Variants in CCSER1 observed in about 807,000 individuals in gnomAD.
CCSER1 encodes the protein serine-rich coiled-coil domain-containing protein 1.
A neutral mutation model predicts 82.0 loss-of-function variants in CCSER1; 41 were observed. The observed-to-expected ratio is 0.50, with a 90% CI of 0.39 to 0.65. CCSER1 has a LOEUF of 0.65. Ranked by LOEUF, CCSER1 falls within the 30% of genes least tolerant of loss-of-function variation. The probability of loss-of-function intolerance (pLI) is 0.00; values close to 1 mark genes in which losing one functional copy is unlikely to be tolerated. For missense variants in CCSER1, 1,119 were observed against 1,064.2 expected (o/e 1.05, Z -0.72); for synonymous variants, 414 against 383.9 (o/e 1.08, Z -0.92).
At chr4:90,150,156 C>T (rs1042786149) in intron 1 of CCSER1, among the ~76,000 whole-genome samples, 76 of 152,298 alleles carry the variant, frequency 5.0e-4, no homozygotes, top group African/African-American at 1.8e-3. Flanking sequence ...TTTTTCCTAT[C>T]TGCTAATTCT....
chr4:90,606,160 A>G (rs1784675409), intron 5 of CCSER1, among the ~76,000 whole-genome samples: 1 of 151,914 alleles, frequency 6.6e-6, no homozygotes, highest in African/African-American at 2.4e-5. Context: ...TCTGTTATTA[A>G]TAAGTTATGG....
At chr4:90,491,241 A>G (rs7690529) in intron 5 of CCSER1, among the ~76,000 whole-genome samples, 8,708 of 152,102 alleles carry the variant, frequency 0.057, 583 homozygotes, top group African/African-American at 0.17. Flanking sequence ...CACATCCCTC[A>G]TAAGTTGGAT....
chr4:91,479,232 G>C (rs368474191), intron 10 of CCSER1, among the ~76,000 whole-genome samples: 2 of 150,468 alleles, frequency 1.3e-5, no homozygotes, highest in East Asian at 1.9e-4. Flanking sequence ...GACAAAGAAC[G>C]TTTAGTTTAC....
intron 10 of CCSER1, among the ~76,000 whole-genome samples, chr4:91,133,973 C>A (rs1377146547): frequency 6.6e-6 from 1 of 152,156 alleles, no homozygotes; most frequent in Non-Finnish European, 1.5e-5. Context: ...GTGGCGCATG[C>A]CTATAATCCC....
intron 7 of CCSER1, chr4:90,781,478 C>T: frequency 1.0e-6 from 1 of 985,192 alleles, no homozygotes; most frequent in Non-Finnish European, 1.2e-6. Context: ...ACATAAAGCC[C>T]ATGGAACTGA....
At chr4:90,955,108 A>G (rs1254144068) in intron 9 of CCSER1, among the ~76,000 whole-genome samples, 2 of 152,142 alleles carry the variant, frequency 1.3e-5, no homozygotes, top group East Asian at 1.9e-4. Flanking sequence ...TTCGTGTTCT[A>G]TGTATTTATT....
At chr4:90,520,767 A>G (rs939329166) in intron 5 of CCSER1, among the ~76,000 whole-genome samples, 1 of 152,182 alleles carries the variant, frequency 6.6e-6, no homozygotes, top group Non-Finnish European at 1.5e-5. Context: ...AAATTTAGGC[A>G]ATGTTTGTTA....
intron 6 of CCSER1, among the ~76,000 whole-genome samples, chr4:90,641,717 CATATGCCAGAGATT>C (rs1726558942): frequency 6.6e-6 from 1 of 152,108 alleles, no homozygotes; most frequent in Non-Finnish European, 1.5e-5. Context: ...AATGTATACC[CATATGCCAGAGATT>C]TCTTTTCTGG....
At position 90,985,589 on chromosome 4, in the gene CCSER1, C is replaced by T. The variant is rs1736514482; in HGVS notation, c.2172+62142C>T. ...TCTGTTATCTGCCATACAATAGGTG[C>T]TTCTAATTTTTTTATTTTGGCAATG... is the stretch of plus-strand genomic sequence containing the variant. On this transcript the variant is annotated intron_variant, in intron 9 of 10. Transcript: ENST00000509176. Among the ~76,000 whole-genome samples, 9 of 151,684 alleles carry T rather than the reference C, an allele frequency of 5.9e-5. No individual in the cohort carries two copies. The South Asian group carries it at 1.9e-3, about 32-fold the overall frequency.
At chr4:91,014,636 A>AGG (rs1739266316) in intron 9 of CCSER1, among the ~76,000 whole-genome samples, 2 of 82,886 alleles carry the variant, frequency 2.4e-5, no homozygotes, top group East Asian at 5.1e-4. Flanking sequence ...GCTGCTTTTT[A>AGG]ACAAAGCCAG....
intron 3 of CCSER1, among the ~76,000 whole-genome samples, chr4:90,368,221 A>G (rs981790832): frequency 6.6e-6 from 1 of 151,996 alleles, no homozygotes; most frequent in African/African-American, 2.4e-5. Context: ...ACAAGCTGTT[A>G]AACAGGCAGA....
intron 10 of CCSER1, among the ~76,000 whole-genome samples, chr4:91,535,872 T>C (rs1761273008): frequency 6.6e-6 from 1 of 152,078 alleles, no homozygotes; most frequent in African/African-American, 2.4e-5. Flanking sequence ...TACAGGGTAC[T>C]TATAAAGTAA....
In CCSER1 at chr4:90,360,140, A is replaced by C. The variant is rs1354039009; in HGVS notation, c.1510-39896A>C. On this transcript the variant is annotated intron_variant, in intron 3 of 10. Coordinates refer to ENST00000509176, the MANE Select transcript of CCSER1 (RefSeq NM_001145065.2). ...CACTATGTTGGCCAGGCTGGTCTCG[A>C]ACTCCTGACCTCGTGATCCGCCCGC... Among the ~76,000 whole-genome samples the C allele has an allele frequency of 1.9e-4, 28 of 147,930 alleles. No individual in the cohort carries two copies. In the East Asian group the frequency reaches 5.8e-3, roughly 31 times the overall value.
chr4:90,407,858 A>G (rs1753975372), intron 4 of CCSER1, among the ~76,000 whole-genome samples: 2 of 152,256 alleles, frequency 1.3e-5, no homozygotes, highest in South Asian at 4.2e-4. Context: ...TGGGAAGTGC[A>G]AGGGGTCAGG....
chr4:91,587,025 A>G (rs1764030592), intron 10 of CCSER1, among the ~76,000 whole-genome samples: 1 of 151,790 alleles, frequency 6.6e-6, no homozygotes, highest in South Asian at 2.1e-4. Flanking sequence ...TTAGCATGGG[A>G]GATGCAATCT....
chr4:91,141,829 T>C (rs1163653557), intron 10 of CCSER1, among the ~76,000 whole-genome samples: 1 of 152,152 alleles, frequency 6.6e-6, no homozygotes, highest in African/African-American at 2.4e-5. Context: ...CTGACTCAGA[T>C]GGTATTTCAT....
At chr4:91,074,409 G>A (rs905554749) in intron 9 of CCSER1, among the ~76,000 whole-genome samples, 1 of 152,174 alleles carries the variant, frequency 6.6e-6, no homozygotes, top group Non-Finnish European at 1.5e-5. Flanking sequence ...ATCAGTGCAT[G>A]TTGCAGTTAA....
chr4:90,706,972 G>T (rs1325800251), intron 6 of CCSER1, among the ~76,000 whole-genome samples: 2 of 152,108 alleles, frequency 1.3e-5, no homozygotes, highest in Admixed American at 6.6e-5. Flanking sequence ...GAAGAGGCAG[G>T]TGTCCATCTT....
At chr4:90,299,688 A>G (rs1732721288) in intron 1 of CCSER1, among the ~76,000 whole-genome samples, 1 of 152,084 alleles carries the variant, frequency 6.6e-6, no homozygotes, top group African/African-American at 2.4e-5. Context: ...GAAACAGCAA[A>G]ACATTTTGGA....
Sources: allele counts gnomAD v4.1 joint callset (sites outside exome capture counted in the v4.1 genomes callset), GRCh38; gene constraint gnomAD v4.1.1; transcripts MANE v1.5; gene names NCBI Gene and HGNC (gene_info 2026-07-23, HGNC 2026-07-21).